Variants in AGBL1 observed in about 807,000 individuals in gnomAD.
AGBL1 encodes the protein AGBL carboxypeptidase 1, also known as cytosolic carboxypeptidase 4.
A neutral mutation model predicts 118.9 loss-of-function variants in AGBL1; 130 were observed. That is an observed-to-expected ratio of 1.09 (90% CI 0.95 to 1.26). The LOEUF is 1.26. Among genes scored for constraint, AGBL1 ranks in the 50% most tolerant of loss-of-function variants. The probability of loss-of-function intolerance (pLI) is 0.00; values close to 1 mark genes in which losing one functional copy is unlikely to be tolerated. For missense variants in AGBL1, 1,584 were observed against 1,298.1 expected (o/e 1.22, Z -3.38); for synonymous variants, 555 against 478.9 (o/e 1.16, Z -2.08).
intron 21 of AGBL1, among the ~76,000 whole-genome samples, chr15:86,663,201 C>T (rs1016798980): frequency 2.6e-5 from 4 of 152,182 alleles, no homozygotes; most frequent in African/African-American, 9.7e-5. Flanking sequence ...ACATGATCCA[C>T]CAGGACCTTA....
At chr15:86,254,936 G>C (rs562326030) in intron 7 of AGBL1, among the ~76,000 whole-genome samples, 1 of 152,210 alleles carries the variant, frequency 6.6e-6, no homozygotes, top group South Asian at 2.1e-4. Context: ...CTAAAGCCTT[G>C]GGTTTTATAG....
intron 19 of AGBL1, among the ~76,000 whole-genome samples, chr15:86,534,689 CT>C (rs924608944): frequency 2.6e-5 from 4 of 152,072 alleles, no homozygotes; most frequent in African/African-American, 9.7e-5. Flanking sequence ...TATTCAGTAA[CT>C]AAAACCAAAA....
chr15:86,534,141 C>T (rs1024297647), intron 19 of AGBL1, among the ~76,000 whole-genome samples: 1 of 144,416 alleles, frequency 6.9e-6, no homozygotes, highest in South Asian at 2.2e-4. Context: ...AAAAGATTGT[C>T]CTTTTCTTTG....
intron 5 of AGBL1, among the ~76,000 whole-genome samples, chr15:86,191,114 C>T (rs947796772): frequency 4.3e-4 from 66 of 151,750 alleles, no homozygotes; most frequent in African/African-American, 1.4e-3. Flanking sequence ...GAGACTGAGG[C>T]GGGGGGATCA....
intron 22 of AGBL1, among the ~76,000 whole-genome samples, chr15:86,891,809 G>C (rs903673753): frequency 6.6e-6 from 1 of 152,106 alleles, no homozygotes; most frequent in Non-Finnish European, 1.5e-5. Flanking sequence ...GCACACCAAA[G>C]CCCAGCTGTA....
chr15:86,753,872 G>T (rs1596450319), intron 22 of AGBL1, among the ~76,000 whole-genome samples: 1 of 152,108 alleles, frequency 6.6e-6, no homozygotes, highest in African/African-American at 2.4e-5. Flanking sequence ...CTCTATCCCA[G>T]TGTCTTTTCA....
chr15:86,132,726 C>T (rs1455342805), intron 1 of AGBL1, among the ~76,000 whole-genome samples: 2 of 152,148 alleles, frequency 1.3e-5, no homozygotes, highest in Admixed American at 6.5e-5. Flanking sequence ...TATAGAGAGA[C>T]CACGAACGTG....
In AGBL1 at chr15:86,621,044, T is replaced by G. The variant is rs2084795626; in HGVS notation, c.2995-53229T>G. ...CGCTTTCCTGGAATTTGCAACCCTT[T>G]CTATTTGGAGTCAGCTAAGAGTTTC... On this transcript the variant is annotated intron_variant, in intron 21 of 22. Transcript: ENST00000614907. Among the ~76,000 whole-genome samples, 3 of 152,292 alleles carry G rather than the reference T, an allele frequency of 2.0e-5. No individual in the cohort carries two copies. In the South Asian group the frequency reaches 6.2e-4, roughly 32 times the overall value.
chr15:86,420,814 C>A (rs1042799515), intron 18 of AGBL1, among the ~76,000 whole-genome samples: 8 of 152,066 alleles, frequency 5.3e-5, no homozygotes, highest in Non-Finnish European at 4.4e-5. Context: ...ATGAAGCATG[C>A]ACAAGTATCA....
intron 22 of AGBL1, among the ~76,000 whole-genome samples, chr15:86,787,221 T>C (rs1187235809): frequency 6.6e-6 from 1 of 152,150 alleles, no homozygotes; most frequent in Non-Finnish European, 1.5e-5. Flanking sequence ...TCCATAACCT[T>C]CCATAGTTAC....
chr15:86,398,659 A>C (rs1226681095), intron 18 of AGBL1, among the ~76,000 whole-genome samples: 1 of 152,152 alleles, frequency 6.6e-6, no homozygotes, highest in Non-Finnish European at 1.5e-5. Flanking sequence ...TAAAATAAAT[A>C]AGAATGATGT....
chr15:86,555,284 G>C (rs577715365), intron 21 of AGBL1, among the ~76,000 whole-genome samples: 14 of 152,176 alleles, frequency 9.2e-5, no homozygotes, highest in African/African-American at 3.4e-4. Flanking sequence ...ACTGCTCCTC[G>C]GTGACTTCCA....
At chr15:86,703,012 G>A (rs931275201) in intron 22 of AGBL1, among the ~76,000 whole-genome samples, 2 of 152,256 alleles carry the variant, frequency 1.3e-5, no homozygotes, top group South Asian at 2.1e-4. Flanking sequence ...AAAGAAGACT[G>A]AGAATACATG....
At chr15:86,946,431 A>T (rs2080822013) in intron 23 of AGBL1, 1 of 152,116 alleles carries the variant, frequency 6.6e-6, no homozygotes, top group Admixed American at 6.6e-5. Context: ...TATATAGTAT[A>T]TATAATCTAC....
At chr15:86,506,120 C>T (rs954338413) in intron 18 of AGBL1, among the ~76,000 whole-genome samples, 2 of 151,992 alleles carry the variant, frequency 1.3e-5, no homozygotes, top group Non-Finnish European at 2.9e-5. Flanking sequence ...TCTGGGCATG[C>T]CTTCAACACT....
rs145980307 is a variant in AGBL1 at position 86,269,573 on chromosome 15, A to G, written c.1839-346A>G. ...AAATGCTTAGGTGATAGACATTTCA[A>G]TTACCCTGATTTGATCATTACACAT... On this transcript the variant is annotated intron_variant, in intron 13 of 22. Coordinates refer to ENST00000614907, the MANE Select transcript of AGBL1 (RefSeq NM_001386094.1). 8.4e-3 allele frequency among the ~76,000 whole-genome samples: 1,284 copies of G among 152,352 alleles called. 10 individuals carry two copies. The highest frequency in any genetic ancestry group is 0.013 in the Non-Finnish European group (878 of 68,022).
At chr15:86,726,972 G>A (rs753141794) in intron 22 of AGBL1, among the ~76,000 whole-genome samples, 1 of 151,154 alleles carries the variant, frequency 6.6e-6, no homozygotes, top group Non-Finnish European at 1.5e-5. Flanking sequence ...TACACGTGGG[G>A]AGCTTTTGAG....
intron 22 of AGBL1, among the ~76,000 whole-genome samples, chr15:86,773,621 A>G (rs1248865518): frequency 6.6e-6 from 1 of 150,414 alleles, no homozygotes; most frequent in Non-Finnish European, 1.5e-5. Flanking sequence ...TTTGTTGAAC[A>G]TGTACCCTAA....
intron 17 of AGBL1, among the ~76,000 whole-genome samples, chr15:86,391,063 T>C (rs993280148): frequency 7.3e-6 from 1 of 137,338 alleles, no homozygotes; most frequent in Admixed American, 7.3e-5. Context: ...AGGCTAGGGG[T>C]GGGGTGAAAG....
Sources: allele counts gnomAD v4.1 joint callset (sites outside exome capture counted in the v4.1 genomes callset), GRCh38; gene constraint gnomAD v4.1.1; transcripts MANE v1.5; gene names NCBI Gene and HGNC (gene_info 2026-07-23, HGNC 2026-07-21).